FOXN3: variants seen among roughly 807,000 people sequenced by gnomAD.
The protein encoded by FOXN3 is forkhead box protein N3.
In FOXN3, 7 loss-of-function variants were observed where a neutral mutation model predicts 38.4. The observed-to-expected ratio is 0.18, with a 90% CI of 0.10 to 0.34. FOXN3 has a LOEUF of 0.34. FOXN3 is among the 10% of genes least tolerant of loss of function. FOXN3 has a pLI of 1.00. For missense variants in FOXN3, 456 were observed against 613.4 expected (o/e 0.74, Z 2.71); for synonymous variants, 230 against 242.2 (o/e 0.95, Z 0.47).
At chr14:89,292,846 G>C (rs938531727) in intron 3 of FOXN3, among the ~76,000 whole-genome samples, 3 of 152,136 alleles carry the variant, frequency 2.0e-5, no homozygotes, top group South Asian at 4.2e-4. Flanking sequence ...CCTCTCCACC[G>C]CACGACCTCC....
chr14:89,594,106 T>C (rs1380713551), intron 1 of FOXN3, among the ~76,000 whole-genome samples: 5 of 152,244 alleles, frequency 3.3e-5, no homozygotes, highest in Admixed American at 6.5e-5. Context: ...CATTATATTA[T>C]ACTCTTGATG....
intron 1 of FOXN3, among the ~76,000 whole-genome samples, chr14:89,482,003 A>T (rs1247339498): frequency 6.6e-6 from 1 of 152,162 alleles, no homozygotes; most frequent in Admixed American, 6.5e-5. Context: ...ACCATTCAAG[A>T]CTCAATAAAG....
intron 1 of FOXN3, among the ~76,000 whole-genome samples, chr14:89,579,781 C>T (rs10484014): frequency 0.053 from 8,002 of 152,148 alleles, 671 homozygotes; most frequent in African/African-American, 0.18. Flanking sequence ...ATTTTTTTTA[C>T]CCTGCATGAT....
Position 89,412,654 on chromosome 14 carries a change from T to C in FOXN3, c.-14-164A>G, listed in dbSNP as rs1891573523. Among the ~76,000 whole-genome samples the C allele has an allele frequency of 6.6e-6, 1 of 152,026 alleles. No homozygotes were observed. Among genetic ancestry groups the C allele is most frequent in the Non-Finnish European group, 1.5e-5 (1 of 68,000 alleles). ...CACACTAAGCAACACAATCCCACAA[T>C]TCCACCACAGAGAGATAGGCTGATG... On this transcript the variant is annotated intron_variant, in intron 1 of 5. Transcript: ENST00000557258. The surrounding 1 kb of genome is among the most constrained non-coding windows in gnomAD (Gnocchi z 4.7).
rs1045249113 is a variant in FOXN3 at position 89,412,925 on chromosome 14, G to C, written c.-14-435C>G. Among the ~76,000 whole-genome samples the C allele has an allele frequency of 1.3e-5, 2 of 151,672 alleles. No homozygotes were observed. Among genetic ancestry groups the C allele is most frequent in the Non-Finnish European group, 2.9e-5 (2 of 67,884 alleles). ...TTCAGGTACCACACAGAATACATGG[G>C]AATGTAAGATAAGCCATTAACTGAA... On this transcript the variant is annotated intron_variant, in intron 1 of 5. Transcript: ENST00000557258. The surrounding 1 kb of genome is among the most constrained non-coding windows in gnomAD (Gnocchi z 4.7).
intron 1 of FOXN3, among the ~76,000 whole-genome samples, chr14:89,496,887 T>G (rs916442691): frequency 9.9e-5 from 15 of 152,236 alleles, no homozygotes; most frequent in Admixed American, 8.5e-4. Flanking sequence ...TATTTGCCTT[T>G]TTGTGACTGG....
intron 2 of FOXN3, among the ~76,000 whole-genome samples, chr14:89,380,135 G>T (rs927251963): frequency 6.6e-6 from 1 of 150,782 alleles, no homozygotes; most frequent in Admixed American, 6.6e-5. Context: ...GGAGGGACCC[G>T]GGGGGAAGTA....
At chr14:89,288,080 T>C (rs1371778257) in intron 3 of FOXN3, among the ~76,000 whole-genome samples, 1 of 151,190 alleles carries the variant, frequency 6.6e-6, no homozygotes, top group Non-Finnish European at 1.5e-5. Context: ...TATATATATA[T>C]ATAGCTCCAT....
chr14:89,511,122 G>GTCTCTCTT (rs1555358035), intron 1 of FOXN3, among the ~76,000 whole-genome samples: 1 of 37,780 alleles, frequency 2.6e-5, no homozygotes, highest in African/African-American at 4.8e-5. Flanking sequence ...CCTGCTTGGT[G>GTCTCTCTT]TCTTTCTTTC....
chr14:89,223,661 G>T (rs1320975936), intron 4 of FOXN3, among the ~76,000 whole-genome samples: 1 of 152,234 alleles, frequency 6.6e-6, no homozygotes. Context: ...CTGGGCAGTC[G>T]AGGGTGAGAG....
intron 4 of FOXN3, among the ~76,000 whole-genome samples, chr14:89,269,172 CT>C (rs1262107903): frequency 6.6e-6 from 1 of 152,190 alleles, no homozygotes; most frequent in Non-Finnish European, 1.5e-5. Context: ...CAAACTGCAA[CT>C]GTGTCAAATT....
At chr14:89,348,600 G>A (rs550107694) in intron 3 of FOXN3, among the ~76,000 whole-genome samples, 1 of 152,070 alleles carries the variant, frequency 6.6e-6, no homozygotes, top group Non-Finnish European at 1.5e-5. Context: ...TCCCTCCACC[G>A]CCAGTGACCT....
At chr14:89,248,623 A>G (rs967200868) in intron 4 of FOXN3, among the ~76,000 whole-genome samples, 7 of 152,266 alleles carry the variant, frequency 4.6e-5, no homozygotes, top group African/African-American at 1.4e-4. Context: ...GTGCTGTGCT[A>G]CGTGAGGCAG....
chr14:89,423,660 C>CA (rs1253936201), intron 1 of FOXN3, among the ~76,000 whole-genome samples: 1 of 152,084 alleles, frequency 6.6e-6, no homozygotes, highest in Non-Finnish European at 1.5e-5. Flanking sequence ...AAAAGACGCT[C>CA]AAAACTGTAA....
intron 1 of FOXN3, among the ~76,000 whole-genome samples, chr14:89,585,338 ATG>A (rs1271639931): frequency 6.6e-6 from 1 of 152,174 alleles, no homozygotes; most frequent in African/African-American, 2.4e-5. Context: ...GCTGCCAGAA[ATG>A]TCTTTTTCTT....
chr14:89,171,839 C>T (rs1239662791), intron 5 of FOXN3, among the ~76,000 whole-genome samples: 1 of 151,988 alleles, frequency 6.6e-6, no homozygotes, highest in African/African-American at 2.4e-5. Context: ...CACAAAGATG[C>T]CTGTTATCAT....
chr14:89,569,780 C>G (rs1223824098), intron 1 of FOXN3, among the ~76,000 whole-genome samples: 1 of 152,116 alleles, frequency 6.6e-6, no homozygotes, highest in Non-Finnish European at 1.5e-5. Flanking sequence ...CCGTGCCTGC[C>G]AAAGGGCACC....
chr14:89,360,733 C>T (rs1163026746), intron 2 of FOXN3, among the ~76,000 whole-genome samples: 1 of 139,356 alleles, frequency 7.2e-6, no homozygotes, highest in Non-Finnish European at 1.6e-5. Context: ...ACCACCACCA[C>T]CTCCAGCACC....
In FOXN3 at chr14:89,595,165, A is replaced by G. The variant is rs527753628; in HGVS notation, c.-15+23863T>C. Among the ~76,000 whole-genome samples the G allele has an allele frequency of 3.3e-5, 5 of 151,958 alleles. No homozygotes were observed. In the South Asian group the frequency reaches 8.3e-4, roughly 25 times the overall value. ...CCCCGTCTCTACTAAAAATACAAAA[A>G]AAAAAAAAAATTAGCCGGGCACGGT... On this transcript the variant is annotated intron_variant, in intron 1 of 6. Coordinates refer to the FOXN3 transcript ENST00000345097.
Sources: allele counts gnomAD v4.1 joint callset (sites outside exome capture counted in the v4.1 genomes callset), GRCh38; gene constraint gnomAD v4.1.1; non-coding constraint Gnocchi (gnomAD v3.1); transcripts MANE v1.5; gene names NCBI Gene and HGNC (gene_info 2026-07-23, HGNC 2026-07-21).